The following NEK10 variants were observed in gnomAD, a reference collection of about 807,000 sequenced individuals.
NEK10 encodes the protein serine/threonine-protein kinase Nek10.
NEK10 carries 122 observed loss-of-function variants against 159.8 expected under a neutral mutation model. The observed-to-expected ratio is 0.76, with a 90% CI of 0.66 to 0.89. The LOEUF is 0.89. NEK10 is among the 40% of genes least tolerant of loss of function. The probability of loss-of-function intolerance (pLI) is 0.00; values close to 1 mark genes in which losing one functional copy is unlikely to be tolerated. For missense variants in NEK10, 1,342 were observed against 1,323.1 expected, an observed-to-expected ratio of 1.01 and a Z score of -0.22; for synonymous variants, 466 against 457.1, an observed-to-expected ratio of 1.02 and a Z score of -0.25.
At chr3:27,124,279 C>G (rs1417847504) in intron 32 of NEK10, among the ~76,000 whole-genome samples, 1 of 152,032 alleles carries the variant, frequency 6.6e-6, no homozygotes, top group African/African-American at 2.4e-5. Flanking sequence ...GATTGGAGAA[C>G]AAGAAGATCA....
chr3:27,126,709 A>T (rs1480132676), intron 32 of NEK10, among the ~76,000 whole-genome samples: 1 of 152,020 alleles, frequency 6.6e-6, no homozygotes, highest in Non-Finnish European at 1.5e-5. Context: ...CCCTGATCCT[A>T]CCAGGCCACT....
intron 1 of NEK10, among the ~76,000 whole-genome samples, chr3:27,360,564 A>C (rs2048615363): frequency 1.3e-5 from 2 of 152,198 alleles, no homozygotes; most frequent in African/African-American, 4.8e-5. Context: ...TTCAGGATCT[A>C]AATCTTCATG....
intron 22 of NEK10, among the ~76,000 whole-genome samples, chr3:27,282,951 C>G (rs1335950415): frequency 6.6e-6 from 1 of 151,798 alleles, no homozygotes; most frequent in East Asian, 1.9e-4. Context: ...AATGTGTGTC[C>G]AAGATAAAGA....
intron 1 of NEK10, among the ~76,000 whole-genome samples, chr3:27,366,666 G>A (rs1009489453): frequency 2.6e-5 from 4 of 152,110 alleles, no homozygotes; most frequent in African/African-American, 4.8e-5. Context: ...CAGAGCTGTC[G>A]CCAAACACAA....
chr3:27,215,819 G>A (rs549479651), intron 23 of NEK10: 3 of 717,514 alleles, frequency 4.2e-6, no homozygotes, highest in African/African-American at 3.5e-5. Context: ...GGCAAAGGAG[G>A]AGCCAGCACG....
intron 30 of NEK10, among the ~76,000 whole-genome samples, chr3:27,153,644 G>A (rs1368997286): frequency 1.3e-5 from 2 of 152,078 alleles, no homozygotes; most frequent in African/African-American, 2.4e-5. Context: ...GAAATCAACT[G>A]CAAAAGGAAC....
intron 10 of NEK10, 150 bp downstream of exon 10, chr3:27,308,776 T>C (rs1306289330): frequency 4.9e-6 from 2 of 405,276 alleles, no homozygotes; most frequent in Non-Finnish European, 9.0e-6. Flanking sequence ...TAATGCCTTC[T>C]ATCCAGGATT....
chr3:27,110,918 T>C lies in NEK10; in HGVS notation c.*354A>G, dbSNP rs1451616439. On this transcript the variant is annotated 3_prime_UTR_variant, in exon 36 of 36. Coordinates refer to ENST00000691995, the MANE Select transcript of NEK10 (RefSeq NM_001394966.1). Reference sequence around the variant, plus strand: ...GTATCAAATGTGCCTTTGAAAAATATGACAAGTTTTTTTTAATGTTAAGGA... The same window carrying C: ...GTATCAAATGTGCCTTTGAAAAATACGACAAGTTTTTTTTAATGTTAAGGA... 2 of 180,074 alleles carry C rather than the reference T, an allele frequency of 1.1e-5. No homozygotes were observed. Among genetic ancestry groups the C allele is most frequent in the Non-Finnish European group, 1.2e-5 (1 of 86,944 alleles). The allele number at this position is 180,074 out of a possible 1,614,324, so 11.2% of individuals were successfully genotyped here.
chr3:27,243,651 C>T (rs1954773359), intron 23 of NEK10, among the ~76,000 whole-genome samples: 1 of 152,122 alleles, frequency 6.6e-6, no homozygotes, highest in African/African-American at 2.4e-5. Context: ...GAATATGGCA[C>T]ATTTATTACA....
chr3:27,331,262 A>AAAAAAAAAAAAAAAAAAAAAAATC, intron 5 of NEK10, among the ~76,000 whole-genome samples: 1 of 110,082 alleles, frequency 9.1e-6, no homozygotes, highest in Non-Finnish European at 2.0e-5. Flanking sequence ...AAAAAAAAAA[A>AAAAAAAAAAAAAAAAAAAAAAATC]ACACACAAAC....
chr3:27,110,386 A>G lies in NEK10; in HGVS notation c.*886T>C, dbSNP rs1267880033. 6.6e-6 allele frequency: 1 copy of G among 152,196 alleles called. No individual in the cohort carries two copies. Among genetic ancestry groups the G allele is most frequent in the Non-Finnish European group, 1.5e-5 (1 of 68,036 alleles). The allele number at this position is 152,196 out of a possible 1,614,324, so 9.4% of individuals were successfully genotyped here. ...ACTTATTTTCATTTCAAAATCCTAA[A>G]CAATTCATAAACAATTTAGGTAATT... On this transcript the variant is annotated 3_prime_UTR_variant, in exon 36 of 36. Transcript: ENST00000691995.
At chr3:27,359,100 G>T (rs2149862827) in intron 1 of NEK10, among the ~76,000 whole-genome samples, 1 of 151,854 alleles carries the variant, frequency 6.6e-6, no homozygotes, top group South Asian at 2.1e-4. Flanking sequence ...TACTCAGGAG[G>T]CTGAGGCAGG....
intron 5 of NEK10, among the ~76,000 whole-genome samples, chr3:27,327,180 C>T (rs927538636): frequency 2.0e-5 from 3 of 152,152 alleles, no homozygotes; most frequent in Non-Finnish European, 4.4e-5. Context: ...CTCCCCTCCA[C>T]CTAAGTCTAT....
chr3:27,132,095 G>A (rs911110496), intron 31 of NEK10, 105 bp from the exon 32 acceptor site: 3 of 508,420 alleles, frequency 5.9e-6, no homozygotes, highest in Admixed American at 7.3e-5. Flanking sequence ...TCACTCAATA[G>A]GACTATGTAA....
intron 5 of NEK10, among the ~76,000 whole-genome samples, chr3:27,336,691 G>T (rs765468385): frequency 6.6e-6 from 1 of 152,080 alleles, no homozygotes; most frequent in African/African-American, 2.4e-5. Context: ...GAATGGTTTG[G>T]CATGCAAAAG....
intron 1 of NEK10, among the ~76,000 whole-genome samples, chr3:27,355,639 C>G (rs757586498): frequency 6.6e-6 from 1 of 152,152 alleles, no homozygotes; most frequent in Non-Finnish European, 1.5e-5. Context: ...GCCTGGATGA[C>G]TGCCACAACC....
chr3:27,216,953 C>A (rs1386709022), intron 23 of NEK10, among the ~76,000 whole-genome samples: 2 of 152,012 alleles, frequency 1.3e-5, no homozygotes, highest in African/African-American at 4.8e-5. Flanking sequence ...TGTATTCTGA[C>A]ATAGTAAAGC....
intron 24 of NEK10, 130 bp downstream of exon 24, chr3:27,202,298 T>A: frequency 1.4e-6 from 1 of 710,998 alleles, no homozygotes; most frequent in Non-Finnish European, 2.1e-6. Flanking sequence ...ATAAACTGGA[T>A]CATGCAGTTA....
chr3:27,283,967 ACTTAAGTATT>A (rs1277425929), intron 22 of NEK10, among the ~76,000 whole-genome samples: 1 of 152,246 alleles, frequency 6.6e-6, no homozygotes, highest in African/African-American at 2.4e-5. Context: ...GGAATTAAAT[ACTTAAGTATT>A]CTAAGAGTAC....
Sources: allele counts gnomAD v4.1 joint callset (sites outside exome capture counted in the v4.1 genomes callset), GRCh38; gene constraint gnomAD v4.1.1; transcripts MANE v1.5; gene names NCBI Gene and HGNC (gene_info 2026-07-23, HGNC 2026-07-21).